Variants in AGTPBP1 observed in about 807,000 individuals in gnomAD.
The protein encoded by AGTPBP1 is ATP/GTP binding carboxypeptidase 1, also known as cytosolic carboxypeptidase 1.
Under a neutral mutation model 143.9 loss-of-function variants are expected in AGTPBP1, and 70 were observed. That is an observed-to-expected ratio of 0.49 (90% CI 0.40 to 0.59). The LOEUF (loss-of-function observed/expected upper bound fraction) is 0.59, where lower values mean the gene tolerates loss of function less well. Ranked by LOEUF, AGTPBP1 falls within the 20% of genes least tolerant of loss-of-function variation. The probability of loss-of-function intolerance (pLI) is 0.00; values close to 1 mark genes in which losing one functional copy is unlikely to be tolerated. For missense variants in AGTPBP1, 1,229 were observed against 1,464.5 expected (o/e 0.84, Z 2.62); for synonymous variants, 463 against 500.2 (o/e 0.93, Z 0.99).
chr9:85,779,932 T>C, the AGTPBP1 span, among the ~76,000 whole-genome samples: 2 of 152,358 alleles, frequency 1.3e-5, no homozygotes, highest in African/African-American at 4.8e-5. Context: ...TCATGCATTT[T>C]CTAATTTCAA....
chr9:85,685,446 C>G (rs1203477684), intron 3 of AGTPBP1, among the ~76,000 whole-genome samples: 6 of 151,708 alleles, frequency 4.0e-5, no homozygotes, highest in Admixed American at 3.3e-4. Context: ...ATTATGGAGG[C>G]CATAAAATGG....
chr9:85,628,704 T>C (rs1392608279), intron 14 of AGTPBP1, among the ~76,000 whole-genome samples: 1 of 152,088 alleles, frequency 6.6e-6, no homozygotes, highest in Non-Finnish European at 1.5e-5. Flanking sequence ...TTGGTTGTTT[T>C]TGTTTTTTTG....
At chr9:85,756,722 A>G in the AGTPBP1 span, among the ~76,000 whole-genome samples, 1 of 152,218 alleles carries the variant, frequency 6.6e-6, no homozygotes, top group African/African-American at 2.4e-5. Flanking sequence ...TGATGAATGG[A>G]TAAACTGTGA....
intron 11 of AGTPBP1, among the ~76,000 whole-genome samples, chr9:85,654,441 G>A (rs1833363955): frequency 6.6e-6 from 1 of 151,846 alleles, no homozygotes; most frequent in Admixed American, 6.6e-5. Context: ...TTGGTGATTA[G>A]GTTGTTTTTT....
At chr9:85,756,543 G>GGATAGATAGATA in the AGTPBP1 span, among the ~76,000 whole-genome samples, 3 of 147,586 alleles carry the variant, frequency 2.0e-5, no homozygotes, top group South Asian at 2.1e-4. Context: ...ATGGATAGAT[G>GGATAGATAGATA]GATAGATAGA....
intron 3 of AGTPBP1, among the ~76,000 whole-genome samples, chr9:85,685,046 G>A (rs1835409680): frequency 6.6e-6 from 1 of 151,076 alleles, no homozygotes; most frequent in Non-Finnish European, 1.5e-5. Context: ...AAGAGGCAGT[G>A]AAACTGACAA....
chr9:85,752,034 G>A, the AGTPBP1 span, among the ~76,000 whole-genome samples: 1 of 150,114 alleles, frequency 6.7e-6, no homozygotes, highest in Non-Finnish European at 1.5e-5. Context: ...TTCGAGACCA[G>A]CCTGGCCAAC....
chr9:85,722,449 G>T (rs562225824), intron 1 of AGTPBP1, among the ~76,000 whole-genome samples: 1 of 151,516 alleles, frequency 6.6e-6, no homozygotes, highest in Non-Finnish European at 1.5e-5. Flanking sequence ...TCCTTTCTTC[G>T]ACTTGATCGA....
intron 13 of AGTPBP1, among the ~76,000 whole-genome samples, chr9:85,639,525 T>C (rs560625416): frequency 6.6e-6 from 1 of 152,286 alleles, no homozygotes; most frequent in Admixed American, 6.5e-5. Flanking sequence ...TTTAGAGATA[T>C]GAGGATCAAC....
the AGTPBP1 span, among the ~76,000 whole-genome samples, chr9:85,762,141 G>A: frequency 6.6e-6 from 1 of 152,094 alleles, no homozygotes; most frequent in African/African-American, 2.4e-5. Context: ...GAGAGGATGT[G>A]GAGAAATAGG....
intron 14 of AGTPBP1, among the ~76,000 whole-genome samples, chr9:85,629,173 T>C (rs1290011451): frequency 1.3e-5 from 2 of 152,224 alleles, no homozygotes; most frequent in Admixed American, 6.5e-5. Flanking sequence ...CCTCACACTA[T>C]TAAAAATGTA....
intron 25 of AGTPBP1, among the ~76,000 whole-genome samples, chr9:85,554,525 G>A (rs552222900): frequency 1.6e-4 from 24 of 152,278 alleles, no homozygotes; most frequent in East Asian, 7.7e-4. Context: ...AGGAGGAGGC[G>A]TGAACCAAGA....
the AGTPBP1 span, among the ~76,000 whole-genome samples, chr9:85,766,128 C>CAAAAA: frequency 3.1e-5 from 4 of 131,078 alleles, no homozygotes; most frequent in African/African-American, 1.1e-4. Context: ...TAGAAGAAGC[C>CAAAAA]AAAAAAAAAA....
At chr9:85,753,826 T>C in the AGTPBP1 span, among the ~76,000 whole-genome samples, 1 of 152,172 alleles carries the variant, frequency 6.6e-6, no homozygotes, top group African/African-American at 2.4e-5. Flanking sequence ...TGTTGGACTC[T>C]GAATAAAACC....
chr9:85,637,584 A>G (rs1476662743), intron 13 of AGTPBP1, among the ~76,000 whole-genome samples: 2 of 152,240 alleles, frequency 1.3e-5, no homozygotes, highest in African/African-American at 4.8e-5. Flanking sequence ...GATTCAATTT[A>G]TAAGAAGTTC....
At chr9:85,651,369 T>A (rs1192107206) in intron 11 of AGTPBP1, among the ~76,000 whole-genome samples, 5 of 152,224 alleles carry the variant, frequency 3.3e-5, no homozygotes, top group African/African-American at 1.2e-4. Flanking sequence ...ATAATTTTCA[T>A]TTTAGAAATG....
chr9:85,586,552 C>G (rs1023203772), intron 22 of AGTPBP1, among the ~76,000 whole-genome samples: 1 of 152,124 alleles, frequency 6.6e-6, no homozygotes, highest in Admixed American at 6.5e-5. Context: ...CAGAAATAAG[C>G]TTCTAGTTTG....
chr9:85,761,630 G>C, the AGTPBP1 span, among the ~76,000 whole-genome samples: 3 of 152,074 alleles, frequency 2.0e-5, no homozygotes, highest in African/African-American at 7.2e-5. Context: ...AATTCCAGCT[G>C]GATTAAAGAC....
chr9:85,581,344 A>G (rs1176654648), intron 23 of AGTPBP1, among the ~76,000 whole-genome samples: 1 of 152,224 alleles, frequency 6.6e-6, no homozygotes, highest in African/African-American at 2.4e-5. Context: ...AAGCATGTCA[A>G]CTGACTCAGA....
Sources: allele counts gnomAD v4.1 joint callset (sites outside exome capture counted in the v4.1 genomes callset), GRCh38; gene constraint gnomAD v4.1.1; transcripts MANE v1.5; gene names NCBI Gene and HGNC (gene_info 2026-07-23, HGNC 2026-07-21).